The following CACNA1E variants were observed in gnomAD, a reference collection of about 807,000 sequenced individuals.
CACNA1E encodes calcium voltage-gated channel subunit alpha1 E.
In CACNA1E, 40 loss-of-function variants were observed where a neutral mutation model predicts 259.2. The ratio of observed to expected loss-of-function variants is 0.15; its 90% CI spans 0.12 to 0.20. The LOEUF (loss-of-function observed/expected upper bound fraction) is 0.20, where lower values mean the gene tolerates loss of function less well. Among genes scored for constraint, CACNA1E ranks in the 10% least tolerant of loss-of-function variants. CACNA1E has a pLI of 1.00. For synonymous variants in CACNA1E, 1,104 were observed against 1,138.5 expected, an observed-to-expected ratio of 0.97 and a Z score of 0.61; for missense variants, 1,874 against 3,040.1, an observed-to-expected ratio of 0.62 and a Z score of 9.02.
At chr1:181,763,262 G>T (rs912150885) in intron 33 of CACNA1E, 144 bp from the exon 34 acceptor site, 5 of 659,236 alleles carry the variant, frequency 7.6e-6, no homozygotes, top group Non-Finnish European at 1.0e-5. Flanking sequence ...TCACTGGCCA[G>T]CCCATCAGCT....
intron 7 of CACNA1E, among the ~76,000 whole-genome samples, chr1:181,696,701 G>C (rs1185374582): frequency 6.6e-6 from 1 of 152,160 alleles, no homozygotes; most frequent in Non-Finnish European, 1.5e-5. Flanking sequence ...ATGTAGACAC[G>C]TGTATGCACA....
At chr1:181,734,493 A>C in intron 21 of CACNA1E, among the ~76,000 whole-genome samples, 1 of 136,824 alleles carries the variant, frequency 7.3e-6, no homozygotes, top group Non-Finnish European at 1.6e-5. Flanking sequence ...CCCACAGCTC[A>C]TCCCTGCATT....
In CACNA1E at chr1:181,732,813, G is replaced by A. The variant is rs1427689382; in HGVS notation, c.2727G>A (p.Glu909=). ...AGGGEAVVTF[E]DRARHRQSQR... ...GAGGAGAGGCTGTGGTGACCTTTGA[G>A]GACCGGGCCAGGCACAGGCAGAGCC... The change falls in exon 20 of 48, where the codon GAG becomes GAA. Residue 909 remains glutamate (E), a synonymous_variant. Transcript: ENST00000367573. The surrounding 1 kb of genome is among the most constrained non-coding windows in gnomAD (Gnocchi z 5.5). The A allele has an allele frequency of 5.0e-6, 8 of 1,609,796 alleles. No individual in the cohort carries two copies. In the South Asian group the frequency reaches 8.8e-5, roughly 18 times the overall value.
At chr1:181,682,943 C>A (rs1411986063) in intron 7 of CACNA1E, among the ~76,000 whole-genome samples, 1 of 152,206 alleles carries the variant, frequency 6.6e-6, no homozygotes, top group Non-Finnish European at 1.5e-5. Flanking sequence ...TGGGCGGGAA[C>A]ACAGATCCAA....
At chr1:181,323,101 C>A (rs1650495391) in intron 1 of CACNA1E, among the ~76,000 whole-genome samples, 1 of 152,192 alleles carries the variant, frequency 6.6e-6, no homozygotes, top group South Asian at 2.1e-4. Flanking sequence ...CAAAGTAGTT[C>A]TCTGTGCCTT....
chr1:181,528,914 A>C (rs183456168), intron 3 of CACNA1E, among the ~76,000 whole-genome samples: 16 of 152,276 alleles, frequency 1.1e-4, no homozygotes, highest in African/African-American at 3.8e-4. Flanking sequence ...GAGAAGAAAA[A>C]CCCATTTTTT....
chr1:181,438,890 G>C (rs114086343), intron 2 of CACNA1E, among the ~76,000 whole-genome samples: 4,956 of 152,240 alleles, frequency 0.033, 287 homozygotes, highest in African/African-American at 0.11. Flanking sequence ...ACTTGTGATA[G>C]CAGGGACTTA....
chr1:181,783,268 C>T (rs953156790), intron 39 of CACNA1E, among the ~76,000 whole-genome samples: 1 of 152,154 alleles, frequency 6.6e-6, no homozygotes, highest in African/African-American at 2.4e-5. Flanking sequence ...ATTCATGGGA[C>T]AAGTGGAAAT....
At chr1:181,586,163 G>A (rs1407161510) in intron 6 of CACNA1E, among the ~76,000 whole-genome samples, 1 of 152,186 alleles carries the variant, frequency 6.6e-6, no homozygotes, top group African/African-American at 2.4e-5. Context: ...TTGAATATGA[G>A]TTTGGGAGAA....
chr1:181,772,023 C>A lies in CACNA1E; in HGVS notation c.4974-43C>A, dbSNP rs746320302. On this transcript the variant is annotated intron_variant, in intron 36 of 47. Transcript: ENST00000367573. ...AAGAGGACCAAGAATATGATAGGATCTGCAGAGCTGCTCCTGCTAACCAAA... is the reference window on the plus strand; with the variant it reads ...AAGAGGACCAAGAATATGATAGGATATGCAGAGCTGCTCCTGCTAACCAAA... 2.5e-6 allele frequency: 4 copies of A among 1,586,646 alleles called. No homozygotes were observed. In the East Asian group the frequency reaches 6.7e-5, roughly 27 times the overall value.
chr1:181,556,637 G>A (rs1158364360), intron 3 of CACNA1E, among the ~76,000 whole-genome samples: 3 of 152,160 alleles, frequency 2.0e-5, no homozygotes, highest in Non-Finnish European at 4.4e-5. Context: ...TTTGTATTGA[G>A]GATCTCCTTC....
intron 3 of CACNA1E, among the ~76,000 whole-genome samples, chr1:181,567,742 G>A (rs935574084): frequency 8.5e-5 from 13 of 152,192 alleles, no homozygotes; most frequent in Non-Finnish European, 1.9e-4. Flanking sequence ...TGCTATTAAA[G>A]CAGCCATTCA....
chr1:181,699,588 C>G (rs1652034562), intron 7 of CACNA1E, among the ~76,000 whole-genome samples: 1 of 152,056 alleles, frequency 6.6e-6, no homozygotes. Context: ...CACAAGTCAC[C>G]CTGTTTTCCT....
In CACNA1E at chr1:181,322,525, G is replaced by A. The variant is rs117680110; in HGVS notation, c.-15+4402G>A. Among the ~76,000 whole-genome samples the A allele has an allele frequency of 3.2e-4, 49 of 152,326 alleles. No individual in the cohort carries two copies. In the East Asian group the frequency reaches 8.5e-3, roughly 26 times the overall value. On this transcript the variant is annotated intron_variant, in intron 1 of 11. Transcript: ENST00000524607. ...CAAATAAAGTACCTTCCTGGCAGAA[G>A]CGAAGATGTGTGGTACCTTTCTCAT...
At chr1:181,727,240 C>T (rs757067533) in intron 18 of CACNA1E, among the ~76,000 whole-genome samples, 1 of 152,160 alleles carries the variant, frequency 6.6e-6, no homozygotes, top group Non-Finnish European at 1.5e-5. Flanking sequence ...AGGCTGACAG[C>T]GCTCCTCCTG....
chr1:181,746,271 G>A (rs991431624), intron 25 of CACNA1E, among the ~76,000 whole-genome samples: 5 of 152,156 alleles, frequency 3.3e-5, no homozygotes, highest in African/African-American at 4.8e-5. Flanking sequence ...AGTGCAAAAG[G>A]GGAAACTTCC....
intron 2 of CACNA1E, among the ~76,000 whole-genome samples, chr1:181,417,694 C>T (rs1209172986): frequency 1.3e-5 from 2 of 152,176 alleles, no homozygotes; most frequent in Non-Finnish European, 2.9e-5. Flanking sequence ...GAGATTATTT[C>T]ACATGCTTTT....
intron 43 of CACNA1E, among the ~76,000 whole-genome samples, chr1:181,786,200 C>T (rs1041830989): frequency 2.6e-5 from 4 of 152,180 alleles, no homozygotes; most frequent in African/African-American, 7.2e-5. Context: ...CTCACAGGTG[C>T]CATGCTGGCT....
chr1:181,773,745 G>A (rs922205270), intron 37 of CACNA1E, among the ~76,000 whole-genome samples: 23 of 152,146 alleles, frequency 1.5e-4, no homozygotes, highest in African/African-American at 5.3e-4. Context: ...AGATAGAAGC[G>A]CATGTGGACA....
Sources: gnomAD v4.1 joint callset for allele counts (sites outside exome capture counted in the v4.1 genomes callset) on GRCh38, gnomAD v4.1.1 for gene constraint, Gnocchi (gnomAD v3.1) non-coding constraint, MANE v1.5 for transcripts, NCBI Gene and HGNC (gene_info 2026-07-23, HGNC 2026-07-21) for gene names.